PDE1C: variants seen among roughly 807,000 people sequenced by gnomAD.
PDE1C encodes the protein phosphodiesterase 1C, also known as dual specificity calcium/calmodulin-dependent 3',5'-cyclic nucleotide phosphodiesterase 1C.
In PDE1C, 62 loss-of-function variants were observed where a neutral mutation model predicts 93.1. The ratio of observed to expected loss-of-function variants is 0.67; its 90% CI spans 0.54 to 0.82. The LOEUF (loss-of-function observed/expected upper bound fraction) is 0.82. PDE1C is among the 40% of genes least tolerant of loss of function. The probability of loss-of-function intolerance (pLI) is 0.00; values close to 1 mark genes in which losing one functional copy is unlikely to be tolerated. For synonymous variants in PDE1C, 325 were observed against 310.1 expected, an observed-to-expected ratio of 1.05 and a Z score of -0.50; for missense variants, 742 against 884.6, an observed-to-expected ratio of 0.84 and a Z score of 2.04.
rs1023758240 is a variant in PDE1C, at chr7:32,372,306, G to A, written c.310+55516C>T. ...TGGTCTCAAATGATCCACCCACCTC[G>A]GCCTCCCAAAGTGTTGGAATTACAG... On this transcript the variant is annotated intron_variant, in intron 1 of 1. Transcript: ENST00000672256. Among the ~76,000 whole-genome samples, 46 of 152,100 alleles carry A rather than the reference G, an allele frequency of 3.0e-4. 1 individual carries two copies. The East Asian group carries it at 4.3e-3, about 14-fold the overall frequency.
chr7:32,130,915 A>C (rs1799879823), intron 3 of PDE1C, among the ~76,000 whole-genome samples: 1 of 152,074 alleles, frequency 6.6e-6, no homozygotes, highest in African/African-American at 2.4e-5. Flanking sequence ...TCATAATAAT[A>C]ATGGTAATAA....
the PDE1C span, among the ~76,000 whole-genome samples, chr7:31,693,146 C>A: frequency 4.6e-5 from 7 of 152,128 alleles, no homozygotes; most frequent in Non-Finnish European, 8.8e-5. Context: ...CCCCTCCTCT[C>A]CCCTCTCCCC....
At chr7:31,716,330 A>T in the PDE1C span, among the ~76,000 whole-genome samples, 56 of 152,200 alleles carry the variant, frequency 3.7e-4, no homozygotes, top group Non-Finnish European at 7.8e-4. Flanking sequence ...CTCTCCAGGT[A>T]GAGAGTACTA....
At chr7:32,271,279 G>T (rs114250693) in intron 1 of PDE1C, among the ~76,000 whole-genome samples, 1 of 152,282 alleles carries the variant, frequency 6.6e-6, no homozygotes, top group East Asian at 1.9e-4. Context: ...TGGAGCCAGT[G>T]GAAAGAGTTT....
chr7:31,672,258 C>G, the PDE1C span, among the ~76,000 whole-genome samples: 2 of 152,086 alleles, frequency 1.3e-5, no homozygotes, highest in Admixed American at 6.6e-5. Context: ...GAAAATACAT[C>G]ATATGATTTT....
chr7:32,309,896 A>G (rs1356435516), intron 1 of PDE1C, among the ~76,000 whole-genome samples: 1 of 152,196 alleles, frequency 6.6e-6, no homozygotes, highest in Non-Finnish European at 1.5e-5. Flanking sequence ...TACACACATA[A>G]CAATGTTAAC....
chr7:31,774,041 G>C (rs565019110), intron 17 of PDE1C, among the ~76,000 whole-genome samples: 2 of 152,134 alleles, frequency 1.3e-5, no homozygotes, highest in Non-Finnish European at 2.9e-5. Flanking sequence ...TTGGGTGAGG[G>C]AGCTACAGAA....
chr7:32,171,572 T>G (rs1802654794), intron 2 of PDE1C, among the ~76,000 whole-genome samples: 1 of 150,094 alleles, frequency 6.7e-6, no homozygotes, highest in African/African-American at 2.4e-5. Context: ...ATTAAATTAT[T>G]AAAATTGTTA....
intron 1 of PDE1C, among the ~76,000 whole-genome samples, chr7:32,227,087 C>T (rs918953786): frequency 3.3e-5 from 5 of 152,206 alleles, no homozygotes; most frequent in Non-Finnish European, 7.3e-5. Context: ...ACCTTGCAGT[C>T]GCACTGCTCA....
At chr7:31,706,150 G>A in the PDE1C span, among the ~76,000 whole-genome samples, 1 of 151,388 alleles carries the variant, frequency 6.6e-6, no homozygotes, top group Non-Finnish European at 1.5e-5. Flanking sequence ...GATTACAGGT[G>A]CCCGCCACCA....
At chr7:32,391,923 T>C (rs1784758177) in intron 1 of PDE1C, among the ~76,000 whole-genome samples, 1 of 151,852 alleles carries the variant, frequency 6.6e-6, no homozygotes, top group African/African-American at 2.4e-5. Flanking sequence ...GCTGCTACCT[T>C]AAGAAACTAG....
intron 1 of PDE1C, among the ~76,000 whole-genome samples, chr7:32,322,278 G>T (rs567970463): frequency 6.6e-6 from 1 of 152,094 alleles, no homozygotes; most frequent in African/African-American, 2.4e-5. Flanking sequence ...CCTGGCCCAC[G>T]TTCAAAAAGC....
intron 2 of PDE1C, among the ~76,000 whole-genome samples, chr7:31,954,293 G>A (rs1807825983): frequency 6.6e-6 from 1 of 152,256 alleles, no homozygotes; most frequent in South Asian, 2.1e-4. Flanking sequence ...AGAAGGCAGG[G>A]GCTTCGGAGG....
chr7:31,944,645 T>C (rs1016666331), intron 2 of PDE1C, among the ~76,000 whole-genome samples: 1 of 152,238 alleles, frequency 6.6e-6, no homozygotes, highest in Non-Finnish European at 1.5e-5. Flanking sequence ...TAAAACACCA[T>C]ATATCCCCTT....
At chr7:31,677,728 G>T in the PDE1C span, among the ~76,000 whole-genome samples, 3 of 152,186 alleles carry the variant, frequency 2.0e-5, 1 homozygote, top group African/African-American at 7.2e-5. Flanking sequence ...TCAGGAACAA[G>T]ATAGAAATGC....
intron 3 of PDE1C, among the ~76,000 whole-genome samples, chr7:32,152,790 C>A (rs753203619): frequency 6.6e-6 from 1 of 152,050 alleles, no homozygotes; most frequent in Non-Finnish European, 1.5e-5. Flanking sequence ...ATACATGCTA[C>A]GTGGCAACAT....
the PDE1C span, chr7:31,651,014 C>T: frequency 2.0e-6 from 2 of 979,332 alleles, no homozygotes; most frequent in Non-Finnish European, 3.0e-6. Flanking sequence ...ATTCCCTCCC[C>T]CTTATATTAG....
chr7:31,787,117 CT>C (rs1301291863), intron 16 of PDE1C: 2 of 152,110 alleles, frequency 1.3e-5, no homozygotes, highest in Non-Finnish European at 2.9e-5. Context: ...GATAATGTTG[CT>C]TTTTACTTTA....
At chr7:31,658,421 G>C in the PDE1C span, 1 of 1,476,194 alleles carries the variant, frequency 6.8e-7, no homozygotes, top group Non-Finnish European at 8.9e-7. Flanking sequence ...AAAATAATCA[G>C]TTTCCAGAGT....
Sources: allele counts gnomAD v4.1 joint callset (sites outside exome capture counted in the v4.1 genomes callset), GRCh38; gene constraint gnomAD v4.1.1; transcripts MANE v1.5; gene names NCBI Gene and HGNC (gene_info 2026-07-23, HGNC 2026-07-21).